OBSL1: variants seen among roughly 807,000 people sequenced by gnomAD.
OBSL1 encodes the protein obscurin-like protein 1.
Under a neutral mutation model 172.0 loss-of-function variants are expected in OBSL1, and 160 were observed. That is an observed-to-expected ratio of 0.93 (90% CI 0.82 to 1.06). The LOEUF (loss-of-function observed/expected upper bound fraction) is 1.06. Ranked by LOEUF, OBSL1 falls within the 50% of genes least tolerant of loss-of-function variation. The pLI, the probability that OBSL1 is intolerant of heterozygous loss-of-function variation, is 0.00. For missense variants in OBSL1, 2,681 were observed against 2,715.4 expected (o/e 0.99, Z 0.28); for synonymous variants, 1,200 against 1,196.3 (o/e 1.00, Z -0.06).
intron 7 of OBSL1, 154 bp from the exon 8 acceptor site, chr2:219,562,828 C>T (rs772900301): frequency 2.4e-4 from 182 of 773,034 alleles, no homozygotes; most frequent in Non-Finnish European, 3.4e-4. Flanking sequence ...TTACTCACAG[C>T]TAGAGACACA....
chr2:219,562,993 G>C lies in OBSL1; in HGVS notation c.2681-319C>G, dbSNP rs541817464. ...GGTGGAACTGATGAGAGGAGGGTTG[G>C]GGGGAGGAGCTGGGGGTCTCCTCCT... On this transcript the variant is annotated intron_variant, in intron 7 of 20. Coordinates refer to ENST00000404537, the MANE Select transcript of OBSL1 (RefSeq NM_015311.3). The C allele has an allele frequency of 3.5e-5, 17 of 481,316 alleles. 1 individual carries two copies. The highest frequency in any genetic ancestry group is 5.3e-4 in the Middle Eastern group (1 of 1,892). 29.8% of individuals were successfully genotyped at this position (481,316 alleles called of 1,614,324 possible).
chr2:219,570,683 C>G lies in OBSL1; in HGVS notation c.550G>C (p.Ala184Pro). 6.6e-7 allele frequency: 1 copy of G among 1,508,256 alleles called. No individual in the cohort carries two copies. The highest frequency in any genetic ancestry group is 2.7e-5 in the East Asian group (1 of 37,160). The allele number at this position is 1,508,256 out of a possible 1,614,324, so 93.4% of individuals were successfully genotyped here. ...SSHFALQPGRAEDGPGASLAL... is the reference protein window; with the variant it reads ...SSHFALQPGRPEDGPGASLAL... ...AGGCTCGCGCCGGGGCCGTCCTCGG[C>G]GCGGCCCGGCTGGAGCGCGAAGTGG... Residue 184 changes from alanine (A) to proline (P), a missense_variant, in exon 1 of 21, where the codon GCC (alanine) becomes CCC (proline). By Grantham distance (27) the Ala-to-Pro change is conservative (BLOSUM62 -1). This residue lies in a region of OBSL1 where 706 missense variants were observed against 695.8 expected (regional missense o/e 1.01). Coordinates refer to ENST00000404537, the MANE Select transcript of OBSL1 (RefSeq NM_015311.3).
chr2:219,557,332 T>C lies in OBSL1; in HGVS notation c.4066+11A>G. 1 of 1,478,630 alleles carries C rather than the reference T, an allele frequency of 6.8e-7. No homozygotes were observed. 91.6% of individuals were successfully genotyped at this position (1,478,630 alleles called of 1,614,324 possible). The stretch of plus-strand genomic sequence containing the variant: ...GCCACAGCCCACAGGGTGTGAGGGG[T>C]ACACTGTTACCTTCCACGCTGACAA... On this transcript the variant is annotated intron_variant, in intron 12 of 20. Coordinates refer to ENST00000404537, the MANE Select transcript of OBSL1 (RefSeq NM_015311.3).
intron 5 of OBSL1, among the ~76,000 whole-genome samples, chr2:219,566,474 C>T (rs938926254): frequency 6.6e-6 from 1 of 152,088 alleles, no homozygotes; most frequent in Non-Finnish European, 1.5e-5. Flanking sequence ...TAGAAAGTTG[C>T]GATGACAATG....
chr2:219,567,556 T>C lies in OBSL1; in HGVS notation c.1554A>G (p.Pro518=), dbSNP rs368322268. 20 of 1,611,660 alleles carry C rather than the reference T, an allele frequency of 1.2e-5. No individual in the cohort carries two copies. The African/African-American group carries it at 2.7e-4, about 22-fold the overall frequency. The change falls in exon 4 of 21, where the codon CCA becomes CCG. Residue 518 remains proline, a synonymous_variant. Transcript: ENST00000404537. ...ACATCTCTGCCAATATGGGGGGTCC[T>C]GGGGGACTGTGCTTGACACCTGAGA... ...LRVKCVKHSP[P]GPPILAEMFK... is the part of the protein sequence containing the mutation.
chr2:219,558,527 A>G, intron 9 of OBSL1, 68 bp from the exon 10 acceptor site: 1 of 1,469,710 alleles, frequency 6.8e-7, no homozygotes, highest in Non-Finnish European at 9.0e-7. Flanking sequence ...CACCCGCCAG[A>G]TCCTCAGCCC....
At chr2:219,559,588 A>G in intron 8 of OBSL1, 91 bp from the exon 9 acceptor site, 1 of 1,083,706 alleles carries the variant, frequency 9.2e-7, no homozygotes, top group East Asian at 2.4e-5. Context: ...TCACCCACAT[A>G]ATAATGAGAA....
At position 219,552,039 on chromosome 2, in the gene OBSL1, C is replaced by A. The variant is rs189503013; in HGVS notation, c.5413+73G>T. ...AGAGAGGCAGCGTTCTTGGGGCCAG[C>A]CCCAAGTCCGTCAGTCCCATGGCAG... On this transcript the variant is annotated intron_variant, in intron 19 of 20. Transcript: ENST00000404537. The A allele has an allele frequency of 1.4e-3, 2,003 of 1,434,780 alleles. 33 individuals carry two copies. In the African/African-American group the frequency reaches 0.025, roughly 18 times the overall value. The allele number at this position is 1,434,780 out of a possible 1,614,324, so 88.9% of individuals were successfully genotyped here.
At chr2:219,547,620 C>T (rs768324449), downstream of OBSL1, 41 of 1,512,380 alleles carry the variant, frequency 2.7e-5, no homozygotes, top group Middle Eastern at 7.5e-4. Context: ...AGTGCTGGGG[C>T]GAGCGCGGGC....
Position 219,559,338 on chromosome 2 carries a change from T to C in OBSL1, c.3113A>G (p.Glu1038Gly). ...CAGGCGGCAGCGTGGCCCATCCCTCTCCAGCACCAGGGCCTCGCTCTCCTC... is the reference window on the plus strand; with the variant it reads ...CAGGCGGCAGCGTGGCCCATCCCTCCCCAGCACCAGGGCCTCGCTCTCCTC... ...EVEESEALVL[E>G]RDGPRCRLVL... The change falls in exon 9 of 21, where the codon GAG becomes GGG. Residue 1038 changes from glutamate (E) to glycine (G), a missense_variant. Transcript: ENST00000404537. The C allele has an allele frequency of 6.2e-7, 1 of 1,613,912 alleles. No individual in the cohort carries two copies. The highest frequency in any genetic ancestry group is 1.1e-5 in the South Asian group (1 of 91,070).
At position 219,567,387 on chromosome 2, in the gene OBSL1, C is replaced by T. The variant is rs763443337; in HGVS notation, c.1723G>A (p.Val575Met). ...QCFSIEKAGA[V>M]EVPGDCVPSE... ...GGCACACAGTCGCCCGGCACCTCCA[C>T]GGCTCCGGCTTTCTCGATGCTGAAG... The change falls in exon 4 of 21, where the codon GTG becomes ATG. Residue 575 changes from valine to methionine, a missense_variant. Physicochemically the swap from Val to Met is conservative, Grantham distance 21. Transcript: ENST00000404537. The T allele has an allele frequency of 9.9e-6, 16 of 1,612,964 alleles. No individual in the cohort carries two copies. The highest frequency in any genetic ancestry group is 6.7e-5 in the East Asian group (3 of 44,848).
intron 12 of OBSL1, chr2:219,557,045 G>A (rs906328258): frequency 1.9e-5 from 9 of 479,076 alleles, no homozygotes; most frequent in Non-Finnish European, 2.9e-5. Context: ...TCAGAGCCGG[G>A]GCTCAGACAG....
At position 219,570,540 on chromosome 2, in the gene OBSL1, C is replaced by T; in HGVS notation, c.693G>A (p.Glu231=). ...GALLQVHQPP[E]SPPADPDEAP... ...CCTCGTCGGGGTCCGCGGGCGGGCT[C>T]TCGGGGGGCTGGTGCACCTGGAGCA... Residue 231 remains glutamate (E), a synonymous_variant, in exon 1 of 21, where the codon GAG becomes GAA. Coordinates refer to ENST00000404537, the MANE Select transcript of OBSL1 (RefSeq NM_015311.3). 1 of 1,604,846 alleles carries T rather than the reference C, an allele frequency of 6.2e-7. No individual in the cohort carries two copies. The highest frequency in any genetic ancestry group is 8.5e-7 in the Non-Finnish European group (1 of 1,176,456).
chr2:219,557,855 G>A lies in OBSL1; in HGVS notation c.3758C>T (p.Ala1253Val). The A allele has an allele frequency of 6.2e-7, 1 of 1,600,314 alleles. No homozygotes were observed. Among genetic ancestry groups the A allele is most frequent in the Non-Finnish European group, 8.5e-7 (1 of 1,179,484 alleles). ...YTCQSGAAPG[A>V]PSLSFTVQVA... ...CTGGACGGTGAAGCTGAGGCTTGGG[G>A]CTCCGGGGGCTGCTCCAGACTGGCA... The change falls in exon 11 of 21, where the codon GCC (alanine) becomes GTC (valine). Residue 1253 changes from alanine (A) to valine (V), a missense_variant. Around this residue, in one of 5 missense-constraint regions of OBSL1, gnomAD observed 1,765 missense variants for 1,748.3 expected, o/e 1.01. Transcript: ENST00000404537.
rs1455301146 is a variant in OBSL1, at chr2:219,551,673, C to T, written c.5539G>A (p.Glu1847Lys). The change falls in exon 20 of 21, where the codon GAG (glutamate) becomes AAG (lysine). Residue 1847 changes from glutamate (E) to lysine (K), a missense_variant. Transcript: ENST00000404537. Reference sequence around the variant, plus strand: ...TCATACTTATCTCCCGGGCACAGCTCGGCCCCCTCCCGCAGCCAGCACACG... The same window carrying T: ...TCATACTTATCTCCCGGGCACAGCTTGGCCCCCTCCCGCAGCCAGCACACG... The part of the protein sequence containing the change: ...GHVCWLREGA[E>K]LCPGDKYEMR... The T allele has an allele frequency of 6.2e-7, 1 of 1,611,028 alleles. No individual in the cohort carries two copies. Among genetic ancestry groups the T allele is most frequent in the South Asian group, 1.1e-5 (1 of 90,830 alleles).
In OBSL1 at chr2:219,568,687, C is replaced by A. The variant is rs77717156; in HGVS notation, c.1013-363G>T. Among the ~76,000 whole-genome samples the A allele has an allele frequency of 4.6e-5, 7 of 152,094 alleles. No individual in the cohort carries two copies. The East Asian group carries it at 1.4e-3, about 29-fold the overall frequency. On this transcript the variant is annotated intron_variant, in intron 1 of 20. Transcript: ENST00000404537. This position sits in a 1 kb window ranked among gnomAD's most constrained non-coding sequence, Gnocchi z 4.1. ...GTGATTTCCAAACTGTTCCCTGGCT[C>A]CCCCCGCCCCAGTCATTTCACATAT...
chr2:219,549,900 CGAG>C (rs1559129221), downstream of OBSL1: 3 of 1,591,414 alleles, frequency 1.9e-6, no homozygotes, highest in Admixed American at 3.4e-5. Flanking sequence ...TCTGCCAGCT[CGAG>C]GAGGCCTGCT....
downstream of OBSL1, chr2:219,549,968 G>T: frequency 7.1e-7 from 1 of 1,399,364 alleles, no homozygotes. Flanking sequence ...CCTGGAGAGG[G>T]CTGGCCTGGT....
chr2:219,548,253 A>T (rs1311780209), downstream of OBSL1, among the ~76,000 whole-genome samples: 12 of 152,124 alleles, frequency 7.9e-5, no homozygotes, highest in Admixed American at 7.8e-4. Flanking sequence ...TCATTCCACA[A>T]CAACATATGG....
Sources: gnomAD v4.1 joint callset for allele counts (sites outside exome capture counted in the v4.1 genomes callset) on GRCh38, gnomAD v4.1.1 for gene constraint, gnomAD v4.1.1 regional missense constraint, Gnocchi (gnomAD v3.1) non-coding constraint, MANE v1.5 for transcripts, NCBI Gene and HGNC (gene_info 2026-07-23, HGNC 2026-07-21) for gene names.